Variants in THBS3 observed in about 807,000 individuals in gnomAD.
The protein encoded by THBS3 is thrombospondin-3.
A neutral mutation model predicts 118.3 loss-of-function variants in THBS3; 78 were observed. The ratio of observed to expected loss-of-function variants is 0.66; its 90% CI spans 0.55 to 0.80. The LOEUF is 0.80. Among genes scored for constraint, THBS3 ranks in the 30% least tolerant of loss-of-function variants. THBS3 has a pLI of 0.00. For missense variants in THBS3, 1,057 were observed against 1,247.4 expected, an observed-to-expected ratio of 0.85 and a Z score of 2.30; for synonymous variants, 427 against 475.3, an observed-to-expected ratio of 0.90 and a Z score of 1.32.
upstream of THBS3, chr1:155,209,151 C>G: frequency 6.6e-7 from 1 of 1,519,010 alleles, no homozygotes. Context: ...TCCCCAGGCC[C>G]CCTGACCGCA....
chr1:155,206,445 C>T lies in THBS3; in HGVS notation c.80-39G>A, dbSNP rs757755294. ...GGTTATCAAGGTTAGAGAATGGGAT[C>T]AAATGCTAAGGTATGCCCTCCCCCG... On this transcript the variant is annotated intron_variant, in intron 1 of 22. Transcript: ENST00000368378. This position sits in a 1 kb window ranked among gnomAD's most constrained non-coding sequence, Gnocchi z 4.2. 1 of 1,593,290 alleles carries T rather than the reference C, an allele frequency of 6.3e-7. No homozygotes were observed. The highest frequency in any genetic ancestry group is 1.3e-5 in the African/African-American group (1 of 74,484).
In THBS3 at chr1:155,203,485, C is replaced by A. The variant is rs140512182; in HGVS notation, c.673+28G>T. On this transcript the variant is annotated intron_variant, in intron 5 of 22. Coordinates refer to ENST00000368378, the MANE Select transcript of THBS3 (RefSeq NM_007112.5). ...AGCCTGGGGCCTCCTCCCCGCTCCC[C>A]GCTTCCGCTTCAGTGTGGCCTACTC... The A allele has an allele frequency of 3.8e-4, 614 of 1,612,844 alleles. 1 individual carries two copies. The African/African-American group carries it at 7.4e-3, about 19-fold the overall frequency.
Position 155,203,620 on chromosome 1 carries a change from T to C in THBS3, c.647-81A>G, listed in dbSNP as rs894165687. ...GGTTGGTGAGAAGGAGGAAGGAAGG[T>C]GAGGACAGGGACAGGGCTGGAGCCC... On this transcript the variant is annotated intron_variant, in intron 4 of 22. Coordinates refer to ENST00000368378, the MANE Select transcript of THBS3 (RefSeq NM_007112.5). 4.5e-6 allele frequency: 7 copies of C among 1,545,992 alleles called. No individual in the cohort carries two copies. In the African/African-American group the frequency reaches 8.1e-5, roughly 18 times the overall value.
At position 155,201,544 on chromosome 1, in the gene THBS3, C is replaced by A; in HGVS notation, c.1202G>T (p.Arg401Leu). 1 of 1,614,038 alleles carries A rather than the reference C, an allele frequency of 6.2e-7. No homozygotes were observed. Among genetic ancestry groups the A allele is most frequent in the Non-Finnish European group, 8.5e-7 (1 of 1,179,994 alleles). ...TVGSFKCGPC[R>L]LGFLGNQSQG... ...GCTCTGGTTGCCCAGGAAACCCAGG[C>A]GGCAGGGACCACACTTGAAAGAGCC... Residue 401 changes from arginine (R) to leucine (L), a missense_variant, in exon 11 of 23, where the codon CGC becomes CTC. By Grantham distance (102) the Arg-to-Leu change is moderately radical (BLOSUM62 -2). This residue lies in a region of THBS3 where 544 missense variants were observed against 715.6 expected (regional missense o/e 0.76). Coordinates refer to ENST00000368378, the MANE Select transcript of THBS3 (RefSeq NM_007112.5).
chr1:155,196,290 G>A, intron 21 of THBS3, 164 bp from the exon 22 acceptor site: 1 of 857,144 alleles, frequency 1.2e-6, no homozygotes. Flanking sequence ...GGGAAGGGGG[G>A]TGCTTTTCTC....
At chr1:155,199,473 C>T (rs1316480750) in intron 16 of THBS3, among the ~76,000 whole-genome samples, 1 of 146,796 alleles carries the variant, frequency 6.8e-6, no homozygotes, top group African/African-American at 2.5e-5. Context: ...CCTTGCATTT[C>T]GCTGGCACAG....
chr1:155,202,223 GCCAAGATCCCTTGT>G lies in THBS3; in HGVS notation c.1098+24_1098+37del. 1 of 1,606,032 alleles carries G rather than the reference GCCAAGATCCCTTGT, an allele frequency of 6.2e-7. No individual in the cohort carries two copies. The highest frequency in any genetic ancestry group is 8.5e-7 in the Non-Finnish European group (1 of 1,174,878). ...CCCAGAAGCCCCTGGCCTCTACAAG[GCCAAGATCCCTTGT>G]CCACACACACTACCCAGTCTGACCT... On this transcript the variant is annotated intron_variant, in intron 9 of 22. Transcript: ENST00000368378. The surrounding 1 kb of genome is among the most constrained non-coding windows in gnomAD (Gnocchi z 5.5).
At chr1:155,203,034 G>A in intron 7 of THBS3, 52 bp downstream of exon 7, 1 of 1,613,970 alleles carries the variant, frequency 6.2e-7, no homozygotes, top group East Asian at 2.2e-5. Flanking sequence ...CAAAGCCATT[G>A]GGTGGGGAAC....
chr1:155,207,995 G>C, upstream of THBS3: 2 of 466,734 alleles, frequency 4.3e-6, no homozygotes, highest in Non-Finnish European at 7.4e-6. Flanking sequence ...CAGCAGGCGG[G>C]TGAGGGGGGG....
chr1:155,205,084 T>A lies in THBS3; in HGVS notation c.519A>T (p.Gly173=). 1 of 1,613,892 alleles carries A rather than the reference T, an allele frequency of 6.2e-7. No individual in the cohort carries two copies. The highest frequency in any genetic ancestry group is 1.3e-5 in the African/African-American group (1 of 75,026). The change falls in exon 3 of 23, where the codon GGA becomes GGT. Residue 173 remains glycine, a synonymous_variant. Transcript: ENST00000368378. The part of the protein sequence containing the change: ...AEVDGLEIRT[G]QKAYLRMQGF... ...CCTGCATCCTCAAATACGCCTTCTGTCCAGTCCTAATCTCCAGCCCATCGA... is the reference window on the plus strand; with the variant it reads ...CCTGCATCCTCAAATACGCCTTCTGACCAGTCCTAATCTCCAGCCCATCGA...
chr1:155,196,092 C>T lies in THBS3; in HGVS notation c.2707G>A (p.Asp903Asn). Reference protein sequence around the residue: ...KLYEGPQLVADSGVIIDTSMR... With the variant: ...KLYEGPQLVANSGVIIDTSMR... ...GATGTGTCAATGATCACCCCAGAATCCGCCACAAGCTGGGGTCCCTCATAG... is the reference window on the plus strand; with the variant it reads ...GATGTGTCAATGATCACCCCAGAATTCGCCACAAGCTGGGGTCCCTCATAG... The change falls in exon 22 of 23, where the codon GAT (aspartate) becomes AAT (asparagine). Residue 903 changes from aspartate (D) to asparagine (N), a missense_variant. Physicochemically the swap from Asp to Asn is conservative, Grantham distance 23. Coordinates refer to ENST00000368378, the MANE Select transcript of THBS3 (RefSeq NM_007112.5). The T allele has an allele frequency of 6.2e-7, 1 of 1,614,196 alleles. No individual in the cohort carries two copies. The highest frequency in any genetic ancestry group is 8.5e-7 in the Non-Finnish European group (1 of 1,180,044).
chr1:155,197,764 C>T lies in THBS3; in HGVS notation c.2303-105G>A. On this transcript the variant is annotated intron_variant, in intron 19 of 22. Coordinates refer to ENST00000368378, the MANE Select transcript of THBS3 (RefSeq NM_007112.5). The surrounding 1 kb of genome is among the most constrained non-coding windows in gnomAD (Gnocchi z 5.0). The stretch of plus-strand genomic sequence containing the variant: ...CTGCTATGTATGTGGCCAGCTTGTG[C>T]CACTGCCTTCTCTCTCGCCACTTTG... The T allele has an allele frequency of 6.3e-7, 1 of 1,586,986 alleles. No individual in the cohort carries two copies. Among genetic ancestry groups the T allele is most frequent in the Non-Finnish European group, 8.6e-7 (1 of 1,157,836 alleles).
Position 155,205,387 on chromosome 1 carries a change from C to T in THBS3, c.287-71G>A, listed in dbSNP as rs1236377520. 6 of 1,573,726 alleles carry T rather than the reference C, an allele frequency of 3.8e-6. No homozygotes were observed. The South Asian group carries it at 5.8e-5, about 15-fold the overall frequency. On this transcript the variant is annotated intron_variant, in intron 2 of 22. Transcript: ENST00000368378. ...GCCTCCCAGCTGAGCCTTGGATCAACTCTGCTAGATACCACATCTCTAGGG... is the reference window on the plus strand; with the variant it reads ...GCCTCCCAGCTGAGCCTTGGATCAATTCTGCTAGATACCACATCTCTAGGG...
Position 155,206,077 on chromosome 1 carries a change from A to T in THBS3, c.286+123T>A, listed in dbSNP as rs1670501338. The stretch of plus-strand genomic sequence containing the variant: ...CCAGGTGCCCCTGATGTCTGGGCAC[A>T]GCCTGATGGGACCTTGGTCCCTAGT... On this transcript the variant is annotated intron_variant, in intron 2 of 22. Coordinates refer to ENST00000368378, the MANE Select transcript of THBS3 (RefSeq NM_007112.5). This position sits in a 1 kb window ranked among gnomAD's most constrained non-coding sequence, Gnocchi z 4.2. The T allele has an allele frequency of 1.4e-5, 17 of 1,179,448 alleles. 2 individuals carry two copies. The highest frequency in any genetic ancestry group is 7.1e-5 in the South Asian group (5 of 70,202). The allele number at this position is 1,179,448 out of a possible 1,614,324, so 73.1% of individuals were successfully genotyped here. A position where few individuals can be genotyped will look rare whatever the true frequency, so the allele number is the denominator to read the frequency against.
At chr1:155,207,565 C>G (rs868206740) in intron 1 of THBS3, among the ~76,000 whole-genome samples, 20 of 152,226 alleles carry the variant, frequency 1.3e-4, no homozygotes, top group African/African-American at 4.3e-4. Flanking sequence ...CCTGAGTCCT[C>G]TGCCCTGGCC....
At chr1:155,205,002 C>T in intron 3 of THBS3, 45 bp from the exon 4 acceptor site, 2 of 1,613,352 alleles carry the variant, frequency 1.2e-6, no homozygotes, top group Non-Finnish European at 1.7e-6. Flanking sequence ...CTACCAACCC[C>T]TTCCCCAGCT....
intron 21 of THBS3, 178 bp from the exon 22 acceptor site, chr1:155,196,304 C>G (rs1668660533): frequency 5.7e-6 from 4 of 695,886 alleles, no homozygotes; most frequent in Non-Finnish European, 9.4e-6. Context: ...TTTTCTCAGG[C>G]CTGGGGCCCC....
chr1:155,205,336 A>G lies in THBS3; in HGVS notation c.287-20T>C, dbSNP rs1484701978. Reference sequence around the variant, plus strand: ...CCAGTACTGCCCAGGAGGGGAGATCAGTATGGGCGCTATCCCCCACCCCCT... The same window carrying G: ...CCAGTACTGCCCAGGAGGGGAGATCGGTATGGGCGCTATCCCCCACCCCCT... On this transcript the variant is annotated intron_variant, in intron 2 of 22. Coordinates refer to ENST00000368378, the MANE Select transcript of THBS3 (RefSeq NM_007112.5). The G allele has an allele frequency of 1.9e-6, 3 of 1,609,402 alleles. No homozygotes were observed. The highest frequency in any genetic ancestry group is 2.2e-5 in the South Asian group (2 of 90,968).
At chr1:155,199,717 T>A in intron 16 of THBS3, 87 bp downstream of exon 16, 1 of 1,461,906 alleles carries the variant, frequency 6.8e-7, no homozygotes, top group Non-Finnish European at 9.5e-7. Context: ...ATCGTGCCAC[T>A]GTACTCCAGC....
Sources: gnomAD v4.1 joint callset for allele counts (sites outside exome capture counted in the v4.1 genomes callset) on GRCh38, gnomAD v4.1.1 for gene constraint, gnomAD v4.1.1 regional missense constraint, Gnocchi (gnomAD v3.1) non-coding constraint, MANE v1.5 for transcripts, NCBI Gene and HGNC (gene_info 2026-07-23, HGNC 2026-07-21) for gene names.